Variants in PTCRA observed in about 807,000 individuals in gnomAD.
The protein encoded by PTCRA is pre T-cell antigen receptor alpha.
In PTCRA, 9 loss-of-function variants were observed where a neutral mutation model predicts 13.4. The ratio of observed to expected loss-of-function variants is 0.67; its 90% CI spans 0.41 to 1.18. The LOEUF is 1.18. Among genes scored for constraint, PTCRA ranks in the 50% most tolerant of loss-of-function variants. The pLI is 0.01. For missense variants in PTCRA, 353 were observed against 359.8 expected (o/e 0.98, Z 0.15); for synonymous variants, 153 against 161.9 (o/e 0.94, Z 0.42).
In PTCRA at chr6:42,925,383, G is replaced by A. The variant is rs36111725; in HGVS notation, c.547G>A (p.Ala183Thr). The A allele has an allele frequency of 0.034, 52,204 of 1,554,398 alleles. 1,371 individuals are homozygous for A. The highest frequency in any genetic ancestry group is 0.13 in the African/African-American group (9,837 of 73,326). ...CDPAGPLPSPATTTRLRALGS... is the reference protein window; with the variant it reads ...CDPAGPLPSPTTTTRLRALGS... ...CCCCGCGGGCCCGCTGCCTTCCCCC[G>A]CAACCACCACCCGCCTGCGAGCCCT... Residue 183 changes from alanine to threonine, a missense_variant, in exon 4 of 4, where the codon GCA becomes ACA. Transcript: ENST00000304672. The surrounding 1 kb of genome is among the most constrained non-coding windows in gnomAD (Gnocchi z 4.4).
rs180975081 is a variant in PTCRA at position 42,920,859 on chromosome 6, G to A, written c.59-2168G>A. Among the ~76,000 whole-genome samples the A allele has an allele frequency of 2.4e-4, 34 of 144,462 alleles. No individual in the cohort carries two copies. In the East Asian group the frequency reaches 6.3e-3, roughly 27 times the overall value. The allele number at this position is 144,462 out of a possible 152,430, so 94.8% of individuals were successfully genotyped here. A position where few individuals can be genotyped will look rare whatever the true frequency, so the allele number is the denominator to read the frequency against. On this transcript the variant is annotated intron_variant, in intron 1 of 3. Transcript: ENST00000304672. ...GTCACCCAGGCTGGAGTGCAGTGAC[G>A]CGATCTCAGCTCACTGCAACCTTTG...
In PTCRA at chr6:42,925,257, G is replaced by T. The variant is rs767990272; in HGVS notation, c.425-4G>T. 5.2e-5 allele frequency: 83 copies of T among 1,585,424 alleles called. No individual in the cohort carries two copies. Among genetic ancestry groups the T allele is most frequent in the Non-Finnish European group, 6.8e-5 (80 of 1,173,456 alleles). ...GCGGGCTCCTGAGCGGTTCCTCCTC[G>T]CAGGGACACCGGGTGGGGCGCTGTG... On this transcript the variant is annotated splice_region_variant and splice_polypyrimidine_tract_variant and intron_variant, in intron 3 of 3. Coordinates refer to ENST00000304672, the MANE Select transcript of PTCRA (RefSeq NM_138296.3). The surrounding 1 kb of genome is among the most constrained non-coding windows in gnomAD (Gnocchi z 4.4).
intron 1 of PTCRA, among the ~76,000 whole-genome samples, chr6:42,918,266 A>C (rs2114116464): frequency 6.6e-6 from 1 of 151,532 alleles, no homozygotes; most frequent in South Asian, 2.1e-4. Flanking sequence ...AAAAAAAAAA[A>C]AAGCCAGGCA....
chr6:42,916,139 CT>C lies in PTCRA; in HGVS notation c.58+15del. On this transcript the variant is annotated intron_variant, in intron 1 of 3. Transcript: ENST00000304672. ...AGCCCTACCCACAGGTGAGCCCCCT[CT>C]TTGCCTTCCTCTCTGTCCCTCCTCA... 3 of 1,613,358 alleles carry C rather than the reference CT, an allele frequency of 1.9e-6. No homozygotes were observed. The highest frequency in any genetic ancestry group is 2.5e-6 in the Non-Finnish European group (3 of 1,179,346).
Position 42,925,211 on chromosome 6 carries a change from G to C in PTCRA, c.425-50G>C. 6.5e-7 allele frequency: 1 copy of C among 1,541,960 alleles called. No homozygotes were observed. The highest frequency in any genetic ancestry group is 1.2e-5 in the South Asian group (1 of 84,268). On this transcript the variant is annotated intron_variant, in intron 3 of 3. Transcript: ENST00000304672. The surrounding 1 kb of genome is among the most constrained non-coding windows in gnomAD (Gnocchi z 4.4). Reference sequence around the variant, plus strand: ...GGCCCTCTCCGCCGTTCTCTCCTGGGGTAGGGGGCTGCGGGCTCCTGCGGG... The same window carrying C: ...GGCCCTCTCCGCCGTTCTCTCCTGGCGTAGGGGGCTGCGGGCTCCTGCGGG...
chr6:42,918,675 G>A (rs1379313091), intron 1 of PTCRA, among the ~76,000 whole-genome samples: 3 of 152,086 alleles, frequency 2.0e-5, no homozygotes, highest in Admixed American at 2.0e-4. Flanking sequence ...TGTGTCACAT[G>A]GCAAAATCTT....
At chr6:42,916,988 A>G (rs1194578885) in intron 1 of PTCRA, among the ~76,000 whole-genome samples, 1 of 151,990 alleles carries the variant, frequency 6.6e-6, no homozygotes, top group Non-Finnish European at 1.5e-5. Flanking sequence ...CAACTTGGGG[A>G]ATGTCTCTAT....
chr6:42,922,950 A>C (rs1581686224), intron 1 of PTCRA, 77 bp from the exon 2 acceptor site: 1 of 1,347,920 alleles, frequency 7.4e-7, no homozygotes, highest in Non-Finnish European at 1.1e-6. Context: ...GAAATGTAGA[A>C]CCCTAGCCTA....
chr6:42,919,142 C>T (rs1395933343), intron 1 of PTCRA, among the ~76,000 whole-genome samples: 2 of 151,586 alleles, frequency 1.3e-5, no homozygotes, highest in South Asian at 2.1e-4. Context: ...ATTACAGGCG[C>T]GTGCCACCAC....
At chr6:42,920,241 A>C (rs185092827) in intron 1 of PTCRA, among the ~76,000 whole-genome samples, 1 of 150,866 alleles carries the variant, frequency 6.6e-6, no homozygotes, top group African/African-American at 2.4e-5. Context: ...AATGGCGTGA[A>C]CCCGGGAGGC....
At chr6:42,920,295 G>A (rs1444985637) in intron 1 of PTCRA, among the ~76,000 whole-genome samples, 1 of 150,874 alleles carries the variant, frequency 6.6e-6, no homozygotes, top group African/African-American at 2.4e-5. Flanking sequence ...ACTTGAGCCT[G>A]GGCGACAGAG....
At chr6:42,923,528 T>C (rs1767292959) in intron 2 of PTCRA, among the ~76,000 whole-genome samples, 181 bp downstream of exon 2, 1 of 152,204 alleles carries the variant, frequency 6.6e-6, no homozygotes, top group African/African-American at 2.4e-5. Context: ...AATTTTGGGA[T>C]TTGCCACTGC....
At chr6:42,922,394 A>C in intron 1 of PTCRA, 1 of 608,854 alleles carries the variant, frequency 1.6e-6, no homozygotes, top group East Asian at 2.9e-5. Context: ...ATCATAGACA[A>C]GTGGATGGAA....
rs549863565 is a variant in PTCRA, at chr6:42,920,480, A to T, written c.59-2547A>T. 3.7e-3 allele frequency among the ~76,000 whole-genome samples: 564 copies of T among 151,098 alleles called. 3 individuals are homozygous for T. The highest frequency in any genetic ancestry group is 0.013 in the African/African-American group (526 of 41,230). ...TGCTCTGTCGCCCAGGCTGGAGTGC[A>T]GTGGCGCGATCTTGGCTCACTGCGA... On this transcript the variant is annotated intron_variant, in intron 1 of 3. Transcript: ENST00000304672.
chr6:42,922,285 A>T (rs1207010686), intron 1 of PTCRA: 1 of 701,646 alleles, frequency 1.4e-6, no homozygotes, highest in East Asian at 2.7e-5. Flanking sequence ...TTTTTTACAC[A>T]TCTACTGTCT....
chr6:42,920,940 A>ACGTG, intron 1 of PTCRA, among the ~76,000 whole-genome samples: 1 of 151,056 alleles, frequency 6.6e-6, no homozygotes, highest in Non-Finnish European at 1.5e-5. Flanking sequence ...GACTACAGGC[A>ACGTG]CGTGCCACCA....
chr6:42,924,417 GGGCACT>G, intron 3 of PTCRA, 144 bp downstream of exon 3: 1 of 725,004 alleles, frequency 1.4e-6, no homozygotes, highest in Non-Finnish European at 2.5e-6. Flanking sequence ...TGCTAGGTTG[GGGCACT>G]GGCTAGCATG....
At chr6:42,921,976 C>T (rs1767191449) in intron 1 of PTCRA, among the ~76,000 whole-genome samples, 1 of 151,668 alleles carries the variant, frequency 6.6e-6, no homozygotes, top group Non-Finnish European at 1.5e-5. Flanking sequence ...AGTGAGCCGA[C>T]ATGGTGCCAC....
At chr6:42,924,108 T>C in intron 2 of PTCRA, 121 bp from the exon 3 acceptor site, 1 of 795,816 alleles carries the variant, frequency 1.3e-6, no homozygotes, top group Non-Finnish European at 2.0e-6. Context: ...GGCTCACTTG[T>C]CCATTTACCC....
Sources: allele counts gnomAD v4.1 joint callset (sites outside exome capture counted in the v4.1 genomes callset), GRCh38; gene constraint gnomAD v4.1.1; non-coding constraint Gnocchi (gnomAD v3.1); transcripts MANE v1.5; gene names NCBI Gene and HGNC (gene_info 2026-07-23, HGNC 2026-07-21).